The following KIRREL1 variants were observed in gnomAD, a reference collection of about 807,000 sequenced individuals.
KIRREL1 encodes the protein kirre like nephrin family adhesion molecule 1.
In KIRREL1, 25 loss-of-function variants were observed where a neutral mutation model predicts 83.3. The observed-to-expected ratio is 0.30, with a 90% confidence interval of 0.22 to 0.42. The LOEUF is 0.42. Among genes scored for constraint, KIRREL1 ranks in the 10% least tolerant of loss-of-function variants. The probability of loss-of-function intolerance (pLI) is 1.00; values close to 1 mark genes in which losing one functional copy is unlikely to be tolerated. For missense variants in KIRREL1, 812 were observed against 1,032.3 expected, an observed-to-expected ratio of 0.79 and a Z score of 2.92; for synonymous variants, 388 against 410.4, an observed-to-expected ratio of 0.95 and a Z score of 0.66.
At chr1:158,032,284 G>A (rs1282648348) in intron 1 of KIRREL1, among the ~76,000 whole-genome samples, 1 of 152,152 alleles carries the variant, frequency 6.6e-6, no homozygotes, top group Non-Finnish European at 1.5e-5. Context: ...AGAGGATAAG[G>A]AGGAGCTGGG....
intron 1 of KIRREL1, among the ~76,000 whole-genome samples, chr1:158,023,140 C>T (rs561717751): frequency 4.2e-4 from 64 of 152,158 alleles, no homozygotes; most frequent in Non-Finnish European, 8.2e-4. Context: ...GCAAAAAGTG[C>T]AAGTTGTGTC....
chr1:158,015,887 C>A (rs1175347633), intron 1 of KIRREL1, among the ~76,000 whole-genome samples: 1 of 152,132 alleles, frequency 6.6e-6, no homozygotes, highest in African/African-American at 2.4e-5. Context: ...ATCCCAGTGT[C>A]TAGTTTCTTC....
chr1:158,039,467 A>T (rs1261073770), intron 1 of KIRREL1, among the ~76,000 whole-genome samples: 1 of 152,176 alleles, frequency 6.6e-6, no homozygotes, highest in Non-Finnish European at 1.5e-5. Context: ...TCGAGTCTCA[A>T]GCTGGAGGAC....
chr1:158,069,302 TTGTGTGTGTGTGTGTGTGTGTG>T (rs57076623), intron 1 of KIRREL1, among the ~76,000 whole-genome samples: 8 of 143,292 alleles, frequency 5.6e-5, no homozygotes, highest in East Asian at 2.1e-4. Context: ...TATGACGTAC[TTGTGTGTGTGTGTGTGTGTGTG>T]TGTGTGTGTG....
rs1662362080 is a variant in KIRREL1, at chr1:158,096,649, C to T, written c.*1529C>T. The T allele has an allele frequency of 6.6e-6, 3 of 456,590 alleles. No individual in the cohort carries two copies. Among genetic ancestry groups the T allele is most frequent in the Non-Finnish European group, 1.3e-5 (3 of 226,992 alleles). 28.3% of individuals were successfully genotyped at this position (456,590 alleles called of 1,614,324 possible). A position where few individuals can be genotyped will look rare whatever the true frequency, so the allele number is the denominator to read the frequency against. On this transcript the variant is annotated 3_prime_UTR_variant, in exon 15 of 15. Coordinates refer to ENST00000359209, the MANE Select transcript of KIRREL1 (RefSeq NM_018240.7). ...ATTACACAGGCCATTTCTCCTCCTC[C>T]ATGTGCACGCACATCCAACACACAC...
intron 1 of KIRREL1, among the ~76,000 whole-genome samples, chr1:158,068,825 G>A (rs546121914): frequency 3.2e-4 from 48 of 152,272 alleles, no homozygotes; most frequent in African/African-American, 1.1e-3. Context: ...GAGTCCTGCG[G>A]GGGTGGGGAG....
intron 1 of KIRREL1, among the ~76,000 whole-genome samples, chr1:158,034,202 G>A (rs1329016891): frequency 6.7e-6 from 1 of 149,632 alleles, no homozygotes. Context: ...TCCAGGAGGC[G>A]GAGCTTGCAG....
chr1:158,097,256 A>G lies in KIRREL1; in HGVS notation c.*2136A>G. ...CATGCAAATTTCTATTATTTTCACA[A>G]AAACCAGAAACCATGGGGGAATCCA... On this transcript the variant is annotated 3_prime_UTR_variant, in exon 15 of 15. Coordinates refer to ENST00000359209, the MANE Select transcript of KIRREL1 (RefSeq NM_018240.7). The G allele has an allele frequency of 6.6e-6, 2 of 302,620 alleles. No homozygotes were observed. Among genetic ancestry groups the G allele is most frequent in the South Asian group, 5.1e-5 (2 of 39,076 alleles). The allele number at this position is 302,620 out of a possible 1,614,324, so 18.7% of individuals were successfully genotyped here. A position where few individuals can be genotyped will look rare whatever the true frequency, so the allele number is the denominator to read the frequency against.
At chr1:158,063,316 A>G (rs1035024655) in intron 1 of KIRREL1, among the ~76,000 whole-genome samples, 1 of 152,256 alleles carries the variant, frequency 6.6e-6, no homozygotes, top group African/African-American at 2.4e-5. Context: ...TGTTCATTCA[A>G]CAAACATCAA....
chr1:158,088,575 C>A (rs966986463), intron 8 of KIRREL1, 121 bp downstream of exon 8: 38 of 830,350 alleles, frequency 4.6e-5, no homozygotes, highest in Non-Finnish European at 6.3e-5. Context: ...AGCTCCGCCT[C>A]CCGGGTTCAC....
At chr1:158,019,378 T>A (rs1344662227) in intron 1 of KIRREL1, among the ~76,000 whole-genome samples, 1 of 152,192 alleles carries the variant, frequency 6.6e-6, no homozygotes. Context: ...CTCTGTTATG[T>A]CCTGTACTAG....
At chr1:158,087,612 G>A in intron 5 of KIRREL1, 143 bp from the exon 6 acceptor site, 1 of 601,042 alleles carries the variant, frequency 1.7e-6, no homozygotes, top group South Asian at 2.3e-5. Context: ...GAGGAAGACA[G>A]TGTGTTAACT....
intron 10 of KIRREL1, among the ~76,000 whole-genome samples, chr1:158,090,040 G>A (rs569681696): frequency 7.2e-5 from 11 of 152,110 alleles, no homozygotes; most frequent in East Asian, 3.9e-4. Context: ...TTTGAACCTC[G>A]GTTTATTCAT....
chr1:157,993,707 CTCTCCGATACTT>C lies in KIRREL1; in HGVS notation c.37_48del (p.Asp13_Ser16del). On this transcript the variant is annotated inframe_deletion, in exon 1 of 15. Transcript: ENST00000359209. Reference sequence around the variant, plus strand: ...GAGCCTCCTCGTCTGGATCCTCACTCTCTCCGATACTTTCTCCCAAGGTAAGGGCCCCCAGCC... The same window carrying C: ...GAGCCTCCTCGTCTGGATCCTCACTCTCTCCCAAGGTAAGGGCCCCCAGCC... The C allele has an allele frequency of 6.7e-7, 1 of 1,494,798 alleles. No homozygotes were observed. The allele number at this position is 1,494,798 out of a possible 1,614,324, so 92.6% of individuals were successfully genotyped here.
rs955218330 is a variant in KIRREL1, at chr1:158,014,691, G to T, written c.52+20963G>T. On this transcript the variant is annotated intron_variant, in intron 1 of 14. Transcript: ENST00000359209. ...AAATATAGTCTTTATGGGGGGGGGG[G>T]GGCGGGGGGAAGGAGGTTTTAGTCA... Among the ~76,000 whole-genome samples the T allele has an allele frequency of 4.6e-3, 655 of 143,116 alleles. 4 individuals carry two copies. The highest frequency in any genetic ancestry group is 7.1e-3 in the Non-Finnish European group (461 of 65,212). The allele number at this position is 143,116 out of a possible 152,430, so 93.9% of individuals were successfully genotyped here.
chr1:158,039,569 C>T (rs1660570733), intron 1 of KIRREL1, among the ~76,000 whole-genome samples: 1 of 152,202 alleles, frequency 6.6e-6, no homozygotes, highest in Non-Finnish European at 1.5e-5. Context: ...TACCGTATGT[C>T]TAGAACCTCC....
intron 1 of KIRREL1, among the ~76,000 whole-genome samples, chr1:158,068,820 C>T (rs572600515): frequency 3.3e-5 from 5 of 151,160 alleles, no homozygotes; most frequent in Middle Eastern, 6.8e-3. Context: ...GAAAAGAGTC[C>T]TGCGGGGGTG....
intron 1 of KIRREL1, among the ~76,000 whole-genome samples, chr1:158,039,401 T>C (rs1660565447): frequency 1.3e-5 from 2 of 152,328 alleles, no homozygotes; most frequent in South Asian, 4.1e-4. Flanking sequence ...TTGCTTCCTT[T>C]ATGGCCCCTC....
Position 158,084,570 on chromosome 1 carries a change from G to A in KIRREL1, c.501G>A (p.Val167=). The change falls in exon 4 of 15, where the codon GTG becomes GTA. Residue 167 remains valine, a synonymous_variant. Transcript: ENST00000359209. The stretch of plus-strand genomic sequence containing the variant: ...ACGGGACGCAGCAGGAGGGCGCTGT[G>A]GCCAGCACGGTGAGCTCCAGCCAGC... ...FRDGTQQEGA[V]ASTELLKDGK... 1 of 1,551,632 alleles carries A rather than the reference G, an allele frequency of 6.4e-7. No individual in the cohort carries two copies. The highest frequency in any genetic ancestry group is 8.7e-7 in the Non-Finnish European group (1 of 1,146,966).
Sources: allele counts gnomAD v4.1 joint callset (sites outside exome capture counted in the v4.1 genomes callset), GRCh38; gene constraint gnomAD v4.1.1; transcripts MANE v1.5; gene names NCBI Gene and HGNC (gene_info 2026-07-23, HGNC 2026-07-21).